Variants in RAB40C observed in about 807,000 individuals in gnomAD.
RAB40C encodes the protein RAB40C, member RAS oncogene family.
Under a neutral mutation model 28.1 loss-of-function variants are expected in RAB40C, and 8 were observed. The ratio of observed to expected loss-of-function variants is 0.28; its 90% confidence interval spans 0.17 to 0.51. The LOEUF (loss-of-function observed/expected upper bound fraction) is 0.51, where lower values mean the gene tolerates loss of function less well. Ranked by LOEUF, RAB40C falls within the 20% of genes least tolerant of loss-of-function variation. The pLI is 0.97. For synonymous variants in RAB40C, 201 were observed against 171.7 expected (o/e 1.17, Z -1.34); for missense variants, 288 against 405.9 (o/e 0.71, Z 2.50).
chr16:607,922 C>A (rs1026433095), intron 1 of RAB40C, among the ~76,000 whole-genome samples: 1 of 152,170 alleles, frequency 6.6e-6, no homozygotes, highest in Non-Finnish European at 1.5e-5. Flanking sequence ...TCCCCCTCCA[C>A]TGCCCGTTTT....
At chr16:604,491 C>A (rs1240964686) in intron 1 of RAB40C, among the ~76,000 whole-genome samples, 2 of 151,244 alleles carry the variant, frequency 1.3e-5, no homozygotes, top group Admixed American at 1.3e-4. Context: ...ACACGTGAGT[C>A]CTTCTGAGGG....
rs1001924564 is a variant in RAB40C, at chr16:616,995, G to A, written c.143-213G>A. 206 of 582,130 alleles carry A rather than the reference G, an allele frequency of 3.5e-4. 1 individual carries two copies. Among genetic ancestry groups the A allele is most frequent in the Non-Finnish European group, 5.8e-4 (189 of 323,884 alleles). 36.1% of individuals were successfully genotyped at this position (582,130 alleles called of 1,614,324 possible). ...CCACGCTCCTGCCCTGCCCTGCCCC[G>A]CCCTGCCCGTGGCCCGTGTGCAGAA... On this transcript the variant is annotated intron_variant, in intron 1 of 5. Coordinates refer to ENST00000248139, the MANE Select transcript of RAB40C (RefSeq NM_021168.5).
chr16:589,439 C>G (rs1053627094), upstream of RAB40C: 1 of 152,278 alleles, frequency 6.6e-6, no homozygotes, highest in Admixed American at 6.5e-5. Context: ...GTTTCCCGGA[C>G]TCAGCCGCAT....
chr16:622,391 AGCG>A (rs2036737736), intron 3 of RAB40C, among the ~76,000 whole-genome samples: 1 of 151,660 alleles, frequency 6.6e-6, no homozygotes, highest in Admixed American at 6.5e-5. Flanking sequence ...GCGAGGCATG[AGCG>A]GCACCGTGGA....
At position 617,335 on chromosome 16, in the gene RAB40C, C is replaced by T. The variant is rs530988459; in HGVS notation, c.203+67C>T. The T allele has an allele frequency of 3.6e-4, 572 of 1,577,180 alleles. 1 individual carries two copies. Among genetic ancestry groups the T allele is most frequent in the Non-Finnish European group, 4.5e-4 (514 of 1,146,990 alleles). ...CAAATGCCGAAGGGAGAACAGAACCCTTAGAGAAACAGGAAGGCGTCCTGT... is the reference window on the plus strand; with the variant it reads ...CAAATGCCGAAGGGAGAACAGAACCTTTAGAGAAACAGGAAGGCGTCCTGT... On this transcript the variant is annotated intron_variant, in intron 2 of 5. Coordinates refer to ENST00000248139, the MANE Select transcript of RAB40C (RefSeq NM_021168.5).
chr16:605,207 A>G (rs1444961876), intron 1 of RAB40C, among the ~76,000 whole-genome samples: 2 of 152,230 alleles, frequency 1.3e-5, no homozygotes, highest in South Asian at 2.1e-4. Context: ...CCTGAGCAGC[A>G]CAGTGAGACC....
At position 601,815 on chromosome 16, in the gene RAB40C, T is replaced by TAAA. The variant is rs60094426; in HGVS notation, c.142+11410_142+11412dup. 6.7e-3 allele frequency among the ~76,000 whole-genome samples: 183 copies of TAAA among 27,196 alleles called. 9 individuals are homozygous for TAAA. Among genetic ancestry groups the TAAA allele is most frequent in the Non-Finnish European group, 9.3e-3 (131 of 14,014 alleles). 17.8% of individuals were successfully genotyped at this position (27,196 alleles called of 152,430 possible). On this transcript the variant is annotated intron_variant, in intron 1 of 5. Coordinates refer to ENST00000248139, the MANE Select transcript of RAB40C (RefSeq NM_021168.5). The stretch of plus-strand genomic sequence containing the variant: ...AAGGCCCTATCCCTGCAAAAAAAAG[T>TAAA]AAAAAAAAAAAAAAAAAAAAAAAAA...
At chr16:611,281 G>T (rs933758933) in intron 1 of RAB40C, among the ~76,000 whole-genome samples, 1 of 152,206 alleles carries the variant, frequency 6.6e-6, no homozygotes, top group African/African-American at 2.4e-5. Flanking sequence ...TCTAGGGGTG[G>T]CCTAGGGGAG....
chr16:602,068 G>A (rs1596402098), intron 1 of RAB40C, among the ~76,000 whole-genome samples: 2 of 152,130 alleles, frequency 1.3e-5, no homozygotes, highest in East Asian at 3.8e-4. Flanking sequence ...AGAGGTTGCA[G>A]TGAGCCGAGA....
rs550946094 is a variant in RAB40C at position 590,237 on chromosome 16, C to G, written c.-55C>G. On this transcript the variant is annotated 5_prime_UTR_variant, in exon 1 of 6. Coordinates refer to ENST00000248139, the MANE Select transcript of RAB40C (RefSeq NM_021168.5). Reference sequence around the variant, plus strand: ...GGGCGCGGGCTCTCTCACGCCGCGGCCTCACCCGGCGGTGCTTCGGCAGGC... The same window carrying G: ...GGGCGCGGGCTCTCTCACGCCGCGGGCTCACCCGGCGGTGCTTCGGCAGGC... 4.7e-5 allele frequency: 61 copies of G among 1,299,172 alleles called. No individual in the cohort carries two copies. In the African/African-American group the frequency reaches 8.3e-4, roughly 18 times the overall value. 80.5% of individuals were successfully genotyped at this position (1,299,172 alleles called of 1,614,324 possible).
At chr16:599,688 G>A (rs1375105410) in intron 1 of RAB40C, among the ~76,000 whole-genome samples, 3 of 142,436 alleles carry the variant, frequency 2.1e-5, no homozygotes, top group African/African-American at 7.7e-5. Context: ...ATCAGTCAGC[G>A]TGGATTCGCA....
At chr16:623,636 CAAA>C (rs781008758) in intron 3 of RAB40C, among the ~76,000 whole-genome samples, 3 of 98,180 alleles carry the variant, frequency 3.1e-5, no homozygotes. Flanking sequence ...GACTCCGTCT[CAAA>C]AAAAAAAAAA....
intron 3 of RAB40C, among the ~76,000 whole-genome samples, chr16:620,029 G>A (rs1277063432): frequency 6.6e-6 from 1 of 152,226 alleles, no homozygotes; most frequent in African/African-American, 2.4e-5. Flanking sequence ...CAACATGGCC[G>A]TGATTCGTGG....
At chr16:625,852 T>C (rs2036818261) in intron 4 of RAB40C, 47 bp from the exon 5 acceptor site, 1 of 1,526,492 alleles carries the variant, frequency 6.6e-7, no homozygotes, top group Admixed American at 1.8e-5. Context: ...GGCTGAGGGG[T>C]GGGTGGCACC....
rs779601647 is a variant in RAB40C, at chr16:627,586, C to G, written c.810C>G (p.Pro270=). The G allele has an allele frequency of 1.2e-6, 2 of 1,604,760 alleles. No homozygotes were observed. The highest frequency in any genetic ancestry group is 8.5e-7 in the Non-Finnish European group (1 of 1,174,142). ...CCATCCGTCCACCCCAGAGCCCCCC[C>G]CAGAACTGCTCGCGGAGTAACTGCA... The part of the protein sequence containing the change: ...SKSIRPPQSP[P]QNCSRSNCKI... The change falls in exon 6 of 6, where the codon CCC becomes CCG. Residue 270 remains proline (P), a synonymous_variant. Coordinates refer to ENST00000248139, the MANE Select transcript of RAB40C (RefSeq NM_021168.5).
intron 1 of RAB40C, among the ~76,000 whole-genome samples, chr16:599,326 G>A (rs891141276): frequency 1.3e-5 from 2 of 152,208 alleles, no homozygotes; most frequent in Non-Finnish European, 2.9e-5. Flanking sequence ...TGCCCGTGTC[G>A]GCCGGCCACA....
intron 1 of RAB40C, among the ~76,000 whole-genome samples, chr16:600,821 C>T (rs1381877565): frequency 6.6e-6 from 1 of 152,228 alleles, no homozygotes; most frequent in African/African-American, 2.4e-5. Context: ...AATTCATTAT[C>T]AGCAAGCGGT....
chr16:617,142 GGCTGGTCTCGCGGGC>G (rs1194770819), intron 1 of RAB40C, 51 bp from the exon 2 acceptor site: 1 of 1,562,720 alleles, frequency 6.4e-7, no homozygotes, highest in Non-Finnish European at 8.8e-7. Context: ...CAGTGGCCGA[GGCTGGTCTCGCGGGC>G]GCTCGCTCCA....
chr16:592,536 C>T (rs757307312), intron 1 of RAB40C, among the ~76,000 whole-genome samples: 3 of 152,204 alleles, frequency 2.0e-5, no homozygotes, highest in Non-Finnish European at 4.4e-5. Context: ...CTGCACCTGC[C>T]GCCTCCTGGT....
Sources: gnomAD v4.1 joint callset for allele counts (sites outside exome capture counted in the v4.1 genomes callset) on GRCh38, gnomAD v4.1.1 for gene constraint, MANE v1.5 for transcripts, NCBI Gene and HGNC (gene_info 2026-07-23, HGNC 2026-07-21) for gene names.